Variants in IFIH1 observed in about 807,000 individuals in gnomAD.
IFIH1 encodes interferon-induced helicase C domain-containing protein 1.
In IFIH1, 125 loss-of-function variants were observed where a neutral mutation model predicts 107.4. The observed-to-expected ratio is 1.16, with a 90% confidence interval of 1.01 to 1.35. IFIH1 has a LOEUF of 1.35. Among genes scored for constraint, IFIH1 ranks in the 40% most tolerant of loss-of-function variants. The pLI is 0.00. For missense variants in IFIH1, 1,333 were observed against 1,213.7 expected, an observed-to-expected ratio of 1.10 and a Z score of -1.46; for synonymous variants, 458 against 413.2, an observed-to-expected ratio of 1.11 and a Z score of -1.31.
rs949389529 is a variant in IFIH1, at chr2:162,267,179, A to C, written c.*21T>G. The C allele has an allele frequency of 6.6e-7, 1 of 1,509,146 alleles. No individual in the cohort carries two copies. Among genetic ancestry groups the C allele is most frequent in the Non-Finnish European group, 9.0e-7 (1 of 1,115,184 alleles). 93.5% of individuals were successfully genotyped at this position (1,509,146 alleles called of 1,614,324 possible). A position where few individuals can be genotyped will look rare whatever the true frequency, so the allele number is the denominator to read the frequency against. ...TTAAATGTTTAACTGATAGTATTTT[A>C]AAAGAATCTTCAATCAAGTGCTAAT... On this transcript the variant is annotated 3_prime_UTR_variant, in exon 16 of 16. Coordinates refer to ENST00000649979, the MANE Select transcript of IFIH1 (RefSeq NM_022168.4).
At chr2:162,304,817 G>A (rs902340458) in intron 3 of IFIH1, among the ~76,000 whole-genome samples, 13 of 152,152 alleles carry the variant, frequency 8.5e-5, no homozygotes, top group Non-Finnish European at 1.3e-4. Flanking sequence ...AGAATTCAGG[G>A]AAATAAGCAC....
At chr2:162,283,817 T>C (rs1682850606) in intron 5 of IFIH1, among the ~76,000 whole-genome samples, 1 of 151,728 alleles carries the variant, frequency 6.6e-6, no homozygotes, top group African/African-American at 2.4e-5. Context: ...AGTAGGTGTC[T>C]GGGGGGCTGG....
chr2:162,294,469 G>C (rs565872115), intron 3 of IFIH1, among the ~76,000 whole-genome samples: 1 of 151,994 alleles, frequency 6.6e-6, no homozygotes, highest in East Asian at 1.9e-4. Flanking sequence ...TCGTTAAACT[G>C]GTAAAAATAA....
At chr2:162,268,534 A>G (rs1205404696) in intron 13 of IFIH1, among the ~76,000 whole-genome samples, 1 of 152,150 alleles carries the variant, frequency 6.6e-6, no homozygotes, top group Non-Finnish European at 1.5e-5. Context: ...ATTGTGAGAA[A>G]GTCCTTAGCA....
chr2:162,305,494 C>T (rs764275219), intron 3 of IFIH1, among the ~76,000 whole-genome samples: 3 of 151,880 alleles, frequency 2.0e-5, no homozygotes, highest in Non-Finnish European at 2.9e-5. Context: ...CACTTGAACC[C>T]GGGAGGTGAA....
At chr2:162,313,518 T>C (rs573658724) in intron 1 of IFIH1, among the ~76,000 whole-genome samples, 1 of 152,372 alleles carries the variant, frequency 6.6e-6, no homozygotes, top group East Asian at 1.9e-4. Flanking sequence ...TGATATGTTT[T>C]TTCTTTCCAA....
intron 4 of IFIH1, among the ~76,000 whole-genome samples, chr2:162,289,938 T>C (rs149737939): frequency 8.3e-4 from 126 of 152,102 alleles, no homozygotes; most frequent in African/African-American, 3.0e-3. Context: ...AAGGCTCTGA[T>C]TTATTTAAGA....
At chr2:162,269,877 T>C (rs1691001399) in intron 13 of IFIH1, among the ~76,000 whole-genome samples, 1 of 152,210 alleles carries the variant, frequency 6.6e-6, no homozygotes, top group Non-Finnish European at 1.5e-5. Flanking sequence ...AGTACCAAGA[T>C]TAATTTCCTA....
chr2:162,293,539 G>A (rs74162077), intron 4 of IFIH1, 25 bp downstream of exon 4: 7 of 1,468,884 alleles, frequency 4.8e-6, no homozygotes, highest in Non-Finnish European at 3.8e-6. Flanking sequence ...CACTTTTTAA[G>A]GTTTACACAA....
In IFIH1 at chr2:162,318,263, G is replaced by A. The variant is rs2105238706; in HGVS notation, c.45C>T (p.Ile15=). The A allele has an allele frequency of 1.2e-6, 2 of 1,614,068 alleles. No homozygotes were observed. Among genetic ancestry groups the A allele is most frequent in the Non-Finnish European group, 1.7e-6 (2 of 1,179,964 alleles). ...YSTDENFRYL[I]SCFRARVKMY... is the part of the protein sequence containing the mutation. ...TTTTCACCCTGGCCCTGAAGCACGAGATGAGATAGCGGAAATTCTCGTCTG... is the reference window on the plus strand; with the variant it reads ...TTTTCACCCTGGCCCTGAAGCACGAAATGAGATAGCGGAAATTCTCGTCTG... The change falls in exon 1 of 16, where the codon ATC becomes ATT. Residue 15 remains isoleucine, a synonymous_variant. Transcript: ENST00000649979.
chr2:162,288,924 C>CACACACACACACACAA (rs1553459839), intron 4 of IFIH1, among the ~76,000 whole-genome samples: 53 of 126,860 alleles, frequency 4.2e-4, no homozygotes, highest in African/African-American at 2.4e-3. Flanking sequence ...AAAGCACACA[C>CACACACACACACACAA]ACACACACAC....
chr2:162,275,120 C>T (rs957238019), intron 11 of IFIH1, among the ~76,000 whole-genome samples: 1 of 152,112 alleles, frequency 6.6e-6, no homozygotes, highest in Non-Finnish European at 1.5e-5. Flanking sequence ...CAAGTCACAT[C>T]ACATAGATGC....
Position 162,272,293 on chromosome 2 carries a change from C to A in IFIH1, c.2549G>T (p.Arg850Leu). The A allele has an allele frequency of 6.2e-7, 1 of 1,612,920 alleles. No homozygotes were observed. ...TATAGCTTTATACATCATCTTCTCT[C>A]GGAAATCATTAACTGTCTCATGTTC... ...VIEHETVNDF[R>L]EKMMYKAIHC... is the part of the protein sequence containing the mutation. The change falls in exon 13 of 16, where the codon CGA becomes CTA. Residue 850 changes from arginine (R) to leucine (L), a missense_variant. By Grantham distance (102) the Arg-to-Leu change is moderately radical (BLOSUM62 -2). Coordinates refer to ENST00000649979, the MANE Select transcript of IFIH1 (RefSeq NM_022168.4).
intron 11 of IFIH1, among the ~76,000 whole-genome samples, chr2:162,276,466 G>A (rs980228952): frequency 1.3e-5 from 2 of 152,102 alleles, no homozygotes; most frequent in African/African-American, 2.4e-5. Context: ...TTAGTTGGGT[G>A]TGGTGGTGCA....
At chr2:162,297,337 C>T (rs886924851) in intron 3 of IFIH1, among the ~76,000 whole-genome samples, 8 of 152,174 alleles carry the variant, frequency 5.3e-5, no homozygotes, top group South Asian at 4.1e-4. Flanking sequence ...TAAAGTCCTG[C>T]GTTTATGATT....
chr2:162,303,075 G>A (rs764068591), intron 3 of IFIH1, among the ~76,000 whole-genome samples: 4 of 152,210 alleles, frequency 2.6e-5, no homozygotes, highest in African/African-American at 7.2e-5. Flanking sequence ...CTGCTGGGCC[G>A]ACACCTCCCT....
At position 162,306,709 on chromosome 2, in the gene IFIH1, C is replaced by G. The variant is rs1351063208; in HGVS notation, c.769G>C (p.Glu257Gln). 1.2e-6 allele frequency: 2 copies of G among 1,612,620 alleles called. No homozygotes were observed. The highest frequency in any genetic ancestry group is 2.2e-5 in the East Asian group (1 of 44,840). ...TAAAGTACGTATGTGTTTCAAGTAC[C>G]TGAAACTACAGAAGAATCTGCAAAA... The part of the protein sequence containing the change: ...SSFADSSVVS[E>Q]SDTSLAEGSV... Residue 257 changes from glutamate to glutamine, a missense_variant and splice_region_variant, in exon 3 of 16, where the codon GAA becomes CAA. Transcript: ENST00000649979.
At chr2:162,269,566 C>T (rs1395347663) in intron 13 of IFIH1, among the ~76,000 whole-genome samples, 3 of 152,158 alleles carry the variant, frequency 2.0e-5, no homozygotes, top group African/African-American at 7.2e-5. Context: ...AGGGACTGAA[C>T]AGTGTTTATA....
intron 13 of IFIH1, among the ~76,000 whole-genome samples, chr2:162,269,309 T>A (rs903203049): frequency 9.2e-5 from 14 of 152,190 alleles, no homozygotes; most frequent in African/African-American, 3.4e-4. Flanking sequence ...CTGCCTAGAA[T>A]GAGGATGTGG....
Sources: allele counts gnomAD v4.1 joint callset (sites outside exome capture counted in the v4.1 genomes callset), GRCh38; gene constraint gnomAD v4.1.1; transcripts MANE v1.5; gene names NCBI Gene and HGNC (gene_info 2026-07-23, HGNC 2026-07-21).